B4GALT6: variants seen among roughly 807,000 people sequenced by gnomAD.
The protein encoded by B4GALT6 is UDP-Gal:beta-GlcNAc beta-1,4-galactosyltransferase 6.
A neutral mutation model predicts 46.3 loss-of-function variants in B4GALT6; 14 were observed. The observed-to-expected ratio is 0.30, with a 90% CI of 0.20 to 0.47. The LOEUF (loss-of-function observed/expected upper bound fraction) is 0.47, where lower values mean the gene tolerates loss of function less well. B4GALT6 is among the 20% of genes least tolerant of loss of function. The pLI, the probability that B4GALT6 is intolerant of heterozygous loss-of-function variation, is 0.99. For synonymous variants in B4GALT6, 168 were observed against 162.0 expected, an observed-to-expected ratio of 1.04 and a Z score of -0.28; for missense variants, 386 against 480.1, an observed-to-expected ratio of 0.80 and a Z score of 1.83.
At chr18:31,654,668 A>C (rs1195790525) in intron 3 of B4GALT6, among the ~76,000 whole-genome samples, 1 of 152,230 alleles carries the variant, frequency 6.6e-6, no homozygotes, top group Non-Finnish European at 1.5e-5. Context: ...ATAATCAAAT[A>C]CACCAGTGTT....
In B4GALT6 at chr18:31,660,685, G is replaced by A. The variant is rs191590053; in HGVS notation, c.233-2596C>T. Among the ~76,000 whole-genome samples, 81 of 152,056 alleles carry A rather than the reference G, an allele frequency of 5.3e-4. No homozygotes were observed. The East Asian group carries it at 0.01, about 20-fold the overall frequency. On this transcript the variant is annotated intron_variant, in intron 2 of 8. Transcript: ENST00000306851. ...AAGGAAAGAAAAAGAATTGAAAAAC[G>A]AGAGAGAAATAATACATAATAGGAG...
At chr18:31,677,145 T>C (rs1446405436) in intron 1 of B4GALT6, among the ~76,000 whole-genome samples, 2 of 151,866 alleles carry the variant, frequency 1.3e-5, no homozygotes, top group South Asian at 2.1e-4. Context: ...AAAACAAAGA[T>C]GCAAGCAAAA....
chr18:31,629,855 A>G (rs961629101), intron 6 of B4GALT6, among the ~76,000 whole-genome samples: 1 of 151,128 alleles, frequency 6.6e-6, no homozygotes, highest in Non-Finnish European at 1.5e-5. Flanking sequence ...GTCTCAAAAA[A>G]AAAAAAAAAA....
At chr18:31,713,663 C>A in the B4GALT6 span, among the ~76,000 whole-genome samples, 19 of 152,278 alleles carry the variant, frequency 1.2e-4, no homozygotes, top group Non-Finnish European at 1.9e-4. Context: ...ATCTCAGACA[C>A]CTCCTAAGGT....
At chr18:31,691,001 C>G in the B4GALT6 span, among the ~76,000 whole-genome samples, 1 of 151,126 alleles carries the variant, frequency 6.6e-6, no homozygotes, top group Non-Finnish European at 1.5e-5. Flanking sequence ...GGGTGGGGGG[C>G]AAGGGGAGGG....
intron 3 of B4GALT6, among the ~76,000 whole-genome samples, chr18:31,648,111 G>A (rs1427083383): frequency 2.0e-5 from 3 of 152,032 alleles, no homozygotes; most frequent in East Asian, 1.9e-4. Context: ...AGATTTCAAG[G>A]GCAACTGAAG....
rs144606432 is a variant in B4GALT6 at position 31,661,407 on chromosome 18, A to T, written c.233-3318T>A. On this transcript the variant is annotated intron_variant, in intron 2 of 8. Coordinates refer to ENST00000306851, the MANE Select transcript of B4GALT6 (RefSeq NM_004775.5). ...AGGAGTGAGCTAGGAGACTGTTATT[A>T]CATTATACCCTTTTCTACTATTAAA... is the stretch of plus-strand genomic sequence containing the variant. 4.1e-4 allele frequency among the ~76,000 whole-genome samples: 63 copies of T among 152,352 alleles called. 1 individual carries two copies. The East Asian group carries it at 0.01, about 25-fold the overall frequency.
At chr18:31,695,540 G>A in the B4GALT6 span, among the ~76,000 whole-genome samples, 1 of 152,062 alleles carries the variant, frequency 6.6e-6, no homozygotes, top group African/African-American at 2.4e-5. Context: ...TTGACCATGC[G>A]GGAAGGGAAG....
chr18:31,699,421 C>T, the B4GALT6 span, among the ~76,000 whole-genome samples: 480 of 151,662 alleles, frequency 3.2e-3, 5 homozygotes, highest in African/African-American at 0.011. Context: ...TACAGGTGCA[C>T]GCCACCACGC....
At chr18:31,696,557 T>C in the B4GALT6 span, among the ~76,000 whole-genome samples, 1 of 152,216 alleles carries the variant, frequency 6.6e-6, no homozygotes, top group Admixed American at 6.5e-5. Context: ...AAATTATTGG[T>C]GTCTGTTTCT....
chr18:31,709,429 T>TCATA, the B4GALT6 span, among the ~76,000 whole-genome samples: 2 of 121,956 alleles, frequency 1.6e-5, no homozygotes, highest in Non-Finnish European at 3.3e-5. Flanking sequence ...ATTCTGCAAT[T>TCATA]CATACATATA....
intron 6 of B4GALT6, among the ~76,000 whole-genome samples, chr18:31,629,776 G>A (rs2073756845): frequency 6.7e-6 from 1 of 149,332 alleles, no homozygotes; most frequent in Non-Finnish European, 1.5e-5. Context: ...CGTGAACCCG[G>A]GAGGCAGAGC....
the B4GALT6 span, among the ~76,000 whole-genome samples, chr18:31,723,613 C>G: frequency 4.8e-3 from 729 of 152,222 alleles, 15 homozygotes; most frequent in Admixed American, 0.039. Flanking sequence ...CCCCAAAACC[C>G]CTCCTACAGA....
the B4GALT6 span, chr18:31,724,287 C>G: frequency 2.3e-6 from 1 of 431,826 alleles, no homozygotes; most frequent in Non-Finnish European, 3.9e-6. Flanking sequence ...TCTCTGGGCC[C>G]CACGGGCCCC....
chr18:31,670,427 A>AAAT (rs2074337218), intron 1 of B4GALT6, among the ~76,000 whole-genome samples: 1 of 77,780 alleles, frequency 1.3e-5, no homozygotes, highest in African/African-American at 4.8e-5. Context: ...ACTATTCATT[A>AAAT]GATGAAGACC....
At chr18:31,652,043 T>G (rs1355735628) in intron 3 of B4GALT6, among the ~76,000 whole-genome samples, 1 of 152,160 alleles carries the variant, frequency 6.6e-6, no homozygotes, top group Non-Finnish European at 1.5e-5. Context: ...GTGCTGGGAT[T>G]ACAGGCGTGA....
rs977910825 is a variant in B4GALT6, at chr18:31,622,276, A to G, written c.*3338T>C. 5.3e-5 allele frequency: 8 copies of G among 152,100 alleles called. No homozygotes were observed. Among genetic ancestry groups the G allele is most frequent in the African/African-American group, 1.7e-4 (7 of 41,462 alleles). The allele number at this position is 152,100 out of a possible 1,614,324, so 9.4% of individuals were successfully genotyped here. On this transcript the variant is annotated 3_prime_UTR_variant, in exon 9 of 9. Coordinates refer to ENST00000306851, the MANE Select transcript of B4GALT6 (RefSeq NM_004775.5). ...AGAACATTATATTTCATAAAAGACA[A>G]TGATAAAAAAGTACAAACATTTCCA...
At chr18:31,666,204 A>C in intron 2 of B4GALT6, 52 bp downstream of exon 2, 1 of 1,055,776 alleles carries the variant, frequency 9.5e-7, no homozygotes, top group Non-Finnish European at 1.4e-6. Context: ...ACTGTAAAAG[A>C]TTTGGTTTAC....
chr18:31,702,407 G>GA, the B4GALT6 span, among the ~76,000 whole-genome samples: 4 of 152,150 alleles, frequency 2.6e-5, no homozygotes, highest in Non-Finnish European at 4.4e-5. Context: ...ACAGAATAAA[G>GA]AAATTACATC....
Sources: gnomAD v4.1 joint callset for allele counts (sites outside exome capture counted in the v4.1 genomes callset) on GRCh38, gnomAD v4.1.1 for gene constraint, MANE v1.5 for transcripts, NCBI Gene and HGNC (gene_info 2026-07-23, HGNC 2026-07-21) for gene names.